DSCAM: variants seen among roughly 807,000 people sequenced by gnomAD.
DSCAM encodes the protein cell adhesion molecule DSCAM.
A neutral mutation model predicts 217.7 loss-of-function variants in DSCAM; 47 were observed. The ratio of observed to expected loss-of-function variants is 0.22; its 90% CI spans 0.17 to 0.28. The LOEUF (loss-of-function observed/expected upper bound fraction) is 0.28. Among genes scored for constraint, DSCAM ranks in the 10% least tolerant of loss-of-function variants. The pLI, the probability that DSCAM is intolerant of heterozygous loss-of-function variation, is 1.00. For synonymous variants in DSCAM, 1,056 were observed against 1,015.3 expected, an observed-to-expected ratio of 1.04 and a Z score of -0.76; for missense variants, 2,080 against 2,618.3, an observed-to-expected ratio of 0.79 and a Z score of 4.49.
intron 11 of DSCAM, among the ~76,000 whole-genome samples, chr21:40,256,953 C>T (rs532158899): frequency 1.6e-4 from 24 of 152,324 alleles, no homozygotes; most frequent in African/African-American, 5.8e-4. Flanking sequence ...TGAAAGCACA[C>T]AAACCCTGTC....
intron 3 of DSCAM, among the ~76,000 whole-genome samples, chr21:40,670,097 T>G (rs1041091672): frequency 6.6e-6 from 1 of 152,220 alleles, no homozygotes; most frequent in Admixed American, 6.5e-5. Flanking sequence ...AGGTCTTTAC[T>G]TACAAATAAA....
intron 3 of DSCAM, among the ~76,000 whole-genome samples, chr21:40,666,069 A>G (rs1214930237): frequency 6.6e-6 from 1 of 151,932 alleles, no homozygotes; most frequent in African/African-American, 2.4e-5. Flanking sequence ...CTGCATCCCT[A>G]CTCTCAGTGG....
At chr21:40,437,515 G>A (rs187568166) in intron 3 of DSCAM, among the ~76,000 whole-genome samples, 15 of 152,194 alleles carry the variant, frequency 9.9e-5, no homozygotes, top group Admixed American at 3.3e-4. Context: ...GAGGCATTGA[G>A]GAACAGAGAG....
chr21:40,568,681 T>C (rs1356411411), intron 3 of DSCAM, among the ~76,000 whole-genome samples: 1 of 152,184 alleles, frequency 6.6e-6, no homozygotes, highest in African/African-American at 2.4e-5. Flanking sequence ...TAAATACAGA[T>C]GGGTAGAAAG....
At chr21:40,470,349 G>A (rs1292238746) in intron 3 of DSCAM, among the ~76,000 whole-genome samples, 1 of 152,202 alleles carries the variant, frequency 6.6e-6, no homozygotes, top group African/African-American at 2.4e-5. Context: ...TAAACTGTAT[G>A]CCACGGAAAC....
intron 11 of DSCAM, among the ~76,000 whole-genome samples, chr21:40,222,103 G>A (rs1419818691): frequency 6.6e-6 from 1 of 152,168 alleles, no homozygotes; most frequent in East Asian, 1.9e-4. Context: ...AGTGTTTGTT[G>A]CCAGTGGTAA....
At chr21:40,587,734 T>C (rs2146237057) in intron 3 of DSCAM, among the ~76,000 whole-genome samples, 1 of 152,336 alleles carries the variant, frequency 6.6e-6, no homozygotes, top group Non-Finnish European at 1.5e-5. Flanking sequence ...CCAGATATTC[T>C]TTTTTCAAGC....
At chr21:40,089,990 C>G (rs747375018) in intron 21 of DSCAM, among the ~76,000 whole-genome samples, 3 of 152,138 alleles carry the variant, frequency 2.0e-5, no homozygotes, top group Non-Finnish European at 2.9e-5. Flanking sequence ...AAATGTCCTC[C>G]CCATTCCCTG....
At chr21:40,822,530 C>T (rs1569054272) in intron 1 of DSCAM, among the ~76,000 whole-genome samples, 1 of 151,710 alleles carries the variant, frequency 6.6e-6, no homozygotes, top group Non-Finnish European at 1.5e-5. Flanking sequence ...CATATTTATA[C>T]TGTGCTTATC....
chr21:40,713,709 G>A (rs766283212), intron 1 of DSCAM, among the ~76,000 whole-genome samples: 1 of 152,184 alleles, frequency 6.6e-6, no homozygotes, highest in African/African-American at 2.4e-5. Flanking sequence ...GGTGGAATGA[G>A]CTCATGCATT....
intron 4 of DSCAM, among the ~76,000 whole-genome samples, chr21:40,366,843 T>C (rs74376098): frequency 0.03 from 4,582 of 152,282 alleles, 91 homozygotes; most frequent in African/African-American, 0.052. Context: ...CTTCCACTTC[T>C]GGCCATGTGT....
chr21:40,265,038 T>G (rs2073504942), intron 11 of DSCAM, among the ~76,000 whole-genome samples: 1 of 151,452 alleles, frequency 6.6e-6, no homozygotes, highest in African/African-American at 2.4e-5. Context: ...AAAAAAAATA[T>G]AAAAATTAGC....
intron 3 of DSCAM, among the ~76,000 whole-genome samples, chr21:40,556,147 GAC>G (rs2076669981): frequency 6.6e-6 from 1 of 152,136 alleles, no homozygotes; most frequent in Non-Finnish European, 1.5e-5. Context: ...TTTGAGGAAA[GAC>G]ACGTCTAATA....
Position 40,396,484 on chromosome 21 carries a change from G to A in DSCAM, c.509-27239C>T, listed in dbSNP as rs182499185. Among the ~76,000 whole-genome samples, 284 of 152,260 alleles carry A rather than the reference G, an allele frequency of 1.9e-3. 1 individual carries two copies. The highest frequency in any genetic ancestry group is 6.6e-3 in the African/African-American group (275 of 41,542). On this transcript the variant is annotated intron_variant, in intron 3 of 32. Transcript: ENST00000400454. ...GCTCAGTAATGGAGGGTGAGCAGGTGAAGAATATTTCAGATGGGGGGCAAC... is the reference window on the plus strand; with the variant it reads ...GCTCAGTAATGGAGGGTGAGCAGGTAAAGAATATTTCAGATGGGGGGCAAC...
intron 1 of DSCAM, among the ~76,000 whole-genome samples, chr21:40,790,187 T>C (rs935005569): frequency 4.9e-5 from 7 of 142,898 alleles, no homozygotes; most frequent in South Asian, 2.2e-4. Flanking sequence ...TTTCTTTTTT[T>C]TTTTTTTTTT....
Position 40,078,991 on chromosome 21 carries a change from C to T in DSCAM, c.4421-14G>A, listed in dbSNP as rs754874715. ...AGAACTGGGGCTCTGGGGGAGAAGGCACATGGAGGTCAGCTCACAGGACAC... is the reference window on the plus strand; with the variant it reads ...AGAACTGGGGCTCTGGGGGAGAAGGTACATGGAGGTCAGCTCACAGGACAC... On this transcript the variant is annotated splice_polypyrimidine_tract_variant and intron_variant, in intron 25 of 32. Coordinates refer to ENST00000400454, the MANE Select transcript of DSCAM (RefSeq NM_001389.5). 2 of 1,611,064 alleles carry T rather than the reference C, an allele frequency of 1.2e-6. No homozygotes were observed. The highest frequency in any genetic ancestry group is 1.7e-6 in the Non-Finnish European group (2 of 1,178,214).
rs986406154 is a variant in DSCAM, at chr21:40,686,172, CACAT to C, written c.508+6634_508+6637del. Reference sequence around the variant, plus strand: ...ACCCCCTGCATATATCACACACACACACATACAGAGCACACACACCACATAGCAC... The same window carrying C: ...ACCCCCTGCATATATCACACACACACACAGAGCACACACACCACATAGCAC... On this transcript the variant is annotated intron_variant, in intron 3 of 32. Coordinates refer to ENST00000400454, the MANE Select transcript of DSCAM (RefSeq NM_001389.5). 3.1e-4 allele frequency among the ~76,000 whole-genome samples: 43 copies of C among 139,556 alleles called. No homozygotes were observed. In the South Asian group the frequency reaches 3.8e-3, roughly 12 times the overall value. The allele number at this position is 139,556 out of a possible 152,430, so 91.6% of individuals were successfully genotyped here. A position where few individuals can be genotyped will look rare whatever the true frequency, so the allele number is the denominator to read the frequency against.
chr21:40,846,449 CA>C (rs1033878872), intron 1 of DSCAM, among the ~76,000 whole-genome samples, 169 bp downstream of exon 1: 1 of 151,692 alleles, frequency 6.6e-6, no homozygotes, highest in African/African-American at 2.4e-5. Context: ...TCTTCTCCCC[CA>C]AAAAATAAAT....
At chr21:40,416,053 T>C (rs889911977) in intron 3 of DSCAM, among the ~76,000 whole-genome samples, 5 of 152,108 alleles carry the variant, frequency 3.3e-5, no homozygotes, top group East Asian at 1.9e-4. Flanking sequence ...TGTGCAAATA[T>C]ATTTTTTTCA....
Sources: gnomAD v4.1 joint callset for allele counts (sites outside exome capture counted in the v4.1 genomes callset) on GRCh38, gnomAD v4.1.1 for gene constraint, MANE v1.5 for transcripts, NCBI Gene and HGNC (gene_info 2026-07-23, HGNC 2026-07-21) for gene names.